ST6GALNAC3: variants seen among roughly 807,000 people sequenced by gnomAD.
The protein encoded by ST6GALNAC3 is ST6 N-acetylgalactosaminide alpha-2,6-sialyltransferase 3, also known as alpha-N-acetylgalactosaminide alpha-2,6-sialyltransferase 3.
A neutral mutation model predicts 32.7 loss-of-function variants in ST6GALNAC3; 25 were observed. The observed-to-expected ratio is 0.76, with a 90% CI of 0.56 to 1.07. The LOEUF is 1.07. Among genes scored for constraint, ST6GALNAC3 ranks in the 50% least tolerant of loss-of-function variants. The pLI is 0.00. For synonymous variants in ST6GALNAC3, 129 were observed against 133.1 expected (o/e 0.97, Z 0.21); for missense variants, 355 against 382.4 (o/e 0.93, Z 0.60).
chr1:76,290,992 T>C (rs1320178244), intron 1 of ST6GALNAC3, among the ~76,000 whole-genome samples: 1 of 152,140 alleles, frequency 6.6e-6, no homozygotes, highest in African/African-American at 2.4e-5. Context: ...AAGGTCCAAC[T>C]GAGAAATGTC....
intron 3 of ST6GALNAC3, among the ~76,000 whole-genome samples, chr1:76,502,161 C>A (rs1661214891): frequency 6.6e-6 from 1 of 152,216 alleles, no homozygotes; most frequent in African/African-American, 2.4e-5. Context: ...TCACCCTGTT[C>A]CAGGGATTGC....
chr1:76,154,052 A>C (rs532688787), intron 1 of ST6GALNAC3, among the ~76,000 whole-genome samples: 1 of 152,282 alleles, frequency 6.6e-6, no homozygotes, highest in East Asian at 1.9e-4. Flanking sequence ...AAACTCAGGC[A>C]AACACTGATC....
At chr1:76,291,219 A>G (rs1660065687) in intron 1 of ST6GALNAC3, among the ~76,000 whole-genome samples, 1 of 152,352 alleles carries the variant, frequency 6.6e-6, no homozygotes, top group Non-Finnish European at 1.5e-5. Context: ...AGTATTTTAC[A>G]ACGGCATATC....
At chr1:76,523,483 C>A (rs566484556) in intron 3 of ST6GALNAC3, among the ~76,000 whole-genome samples, 276 of 152,232 alleles carry the variant, frequency 1.8e-3, no homozygotes, top group African/African-American at 6.5e-3. Flanking sequence ...AAAAGGGTTA[C>A]CCTTTCTTCT....
At chr1:76,584,015 A>G (rs1646927064) in intron 3 of ST6GALNAC3, among the ~76,000 whole-genome samples, 1 of 152,146 alleles carries the variant, frequency 6.6e-6, no homozygotes, top group Admixed American at 6.5e-5. Context: ...GAGGACCATG[A>G]CTAATGTTTA....
chr1:76,307,821 A>G, intron 1 of ST6GALNAC3: 1 of 441,128 alleles, frequency 2.3e-6, no homozygotes, highest in Non-Finnish European at 4.6e-6. Flanking sequence ...CAAATTTGCT[A>G]GGTCCGGATC....
At chr1:76,379,411 C>T (rs1002057028) in intron 2 of ST6GALNAC3, among the ~76,000 whole-genome samples, 3 of 152,146 alleles carry the variant, frequency 2.0e-5, no homozygotes, top group Non-Finnish European at 4.4e-5. Flanking sequence ...ACCTCATCTC[C>T]CATTGAACAA....
At chr1:76,162,123 T>A (rs562667504) in intron 1 of ST6GALNAC3, among the ~76,000 whole-genome samples, 60 of 152,348 alleles carry the variant, frequency 3.9e-4, no homozygotes, top group African/African-American at 1.3e-3. Context: ...ATGTTGGCTT[T>A]GCTGCTTAAC....
chr1:76,605,378 T>C (rs1247434644), intron 3 of ST6GALNAC3, among the ~76,000 whole-genome samples: 7 of 152,156 alleles, frequency 4.6e-5, no homozygotes, highest in Non-Finnish European at 1.0e-4. Context: ...GGGCCAGTAC[T>C]GTCATAACCC....
chr1:76,328,027 A>G (rs1045134079), intron 2 of ST6GALNAC3, among the ~76,000 whole-genome samples: 1 of 152,216 alleles, frequency 6.6e-6, no homozygotes, highest in African/African-American at 2.4e-5. Flanking sequence ...GGGTTATACA[A>G]AATTATTATC....
At chr1:76,132,424 C>G (rs1649670153) in intron 1 of ST6GALNAC3, among the ~76,000 whole-genome samples, 1 of 152,172 alleles carries the variant, frequency 6.6e-6, no homozygotes, top group African/African-American at 2.4e-5. Context: ...GTGAGCTCCC[C>G]TCTTCCTGTT....
intron 3 of ST6GALNAC3, among the ~76,000 whole-genome samples, chr1:76,591,437 C>T (rs2100586823): frequency 6.6e-6 from 1 of 152,136 alleles, no homozygotes; most frequent in African/African-American, 2.4e-5. Flanking sequence ...TGATGATGTG[C>T]CTGTATTTTT....
intron 2 of ST6GALNAC3, among the ~76,000 whole-genome samples, chr1:76,322,772 A>C (rs951891106): frequency 1.6e-5 from 2 of 124,870 alleles, no homozygotes; most frequent in Middle Eastern, 3.8e-3. Flanking sequence ...CAAGTTTGGG[A>C]AATAGTATGT....
chr1:76,562,141 C>T (rs1244358826), intron 3 of ST6GALNAC3, among the ~76,000 whole-genome samples: 1 of 152,032 alleles, frequency 6.6e-6, no homozygotes, highest in Admixed American at 6.6e-5. Context: ...AGTGTTTCTC[C>T]TTGGGCTGAT....
intron 1 of ST6GALNAC3, among the ~76,000 whole-genome samples, chr1:76,171,967 C>T (rs531877296): frequency 6.6e-6 from 1 of 152,096 alleles, no homozygotes; most frequent in East Asian, 1.9e-4. Context: ...AGGAGGGACT[C>T]CTCCCTAACT....
intron 3 of ST6GALNAC3, among the ~76,000 whole-genome samples, chr1:76,463,028 T>C (rs992795757): frequency 3.3e-5 from 5 of 152,206 alleles, no homozygotes; most frequent in Non-Finnish European, 7.4e-5. Flanking sequence ...TAAAGTCTTA[T>C]ATTTTGTAAA....
At chr1:76,262,754 G>A (rs1185264608) in intron 1 of ST6GALNAC3, among the ~76,000 whole-genome samples, 1 of 152,150 alleles carries the variant, frequency 6.6e-6, no homozygotes, top group Non-Finnish European at 1.5e-5. Flanking sequence ...TGTGGGGAGT[G>A]GGGAGCATGG....
chr1:76,609,963 G>A (rs1389555080), intron 3 of ST6GALNAC3, among the ~76,000 whole-genome samples: 1 of 152,096 alleles, frequency 6.6e-6, no homozygotes, highest in Non-Finnish European at 1.5e-5. Flanking sequence ...AAGTTGGTTA[G>A]GTTTTAACTG....
chr1:76,592,633 C>T (rs1303747397), intron 3 of ST6GALNAC3, among the ~76,000 whole-genome samples: 1 of 152,170 alleles, frequency 6.6e-6, no homozygotes, highest in Non-Finnish European at 1.5e-5. Flanking sequence ...TCACCGCCCA[C>T]TCCTCTTCAC....
Sources: gnomAD v4.1 joint callset for allele counts (sites outside exome capture counted in the v4.1 genomes callset) on GRCh38, gnomAD v4.1.1 for gene constraint, MANE v1.5 for transcripts, NCBI Gene and HGNC (gene_info 2026-07-23, HGNC 2026-07-21) for gene names.